ARMC8: variants seen among roughly 807,000 people sequenced by gnomAD.
The protein encoded by ARMC8 is armadillo repeat-containing protein 8.
ARMC8 carries 20 observed loss-of-function variants against 99.3 expected under a neutral mutation model. The ratio of observed to expected loss-of-function variants is 0.20; its 90% CI spans 0.14 to 0.29. The LOEUF (loss-of-function observed/expected upper bound fraction) is 0.29, where lower values mean the gene tolerates loss of function less well. Ranked by LOEUF, ARMC8 falls within the 10% of genes least tolerant of loss-of-function variation. ARMC8 has a pLI of 1.00. For synonymous variants in ARMC8, 263 were observed against 278.3 expected (o/e 0.95, Z 0.55); for missense variants, 569 against 809.5 (o/e 0.70, Z 3.60).
intron 1 of ARMC8, among the ~76,000 whole-genome samples, chr3:138,204,234 C>T (rs375114988): frequency 3.3e-5 from 5 of 151,982 alleles, no homozygotes; most frequent in African/African-American, 1.2e-4. Context: ...GCTGGGATTA[C>T]AGTCACCCGC....
intron 18 of ARMC8, among the ~76,000 whole-genome samples, chr3:138,276,904 G>A (rs144898729): frequency 1.3e-4 from 20 of 152,228 alleles, no homozygotes; most frequent in Non-Finnish European, 2.2e-4. Flanking sequence ...TAAAATCTGT[G>A]CCTTTACATA....
intron 1 of ARMC8, among the ~76,000 whole-genome samples, chr3:138,197,260 G>GC (rs2043791185): frequency 6.6e-6 from 1 of 152,198 alleles, no homozygotes; most frequent in Non-Finnish European, 1.5e-5. Context: ...GAATGCACCA[G>GC]CTGCTGCAAA....
At chr3:138,276,875 T>C (rs1246996675) in intron 18 of ARMC8, among the ~76,000 whole-genome samples, 1 of 152,224 alleles carries the variant, frequency 6.6e-6, no homozygotes, top group African/African-American at 2.4e-5. Context: ...TTATAAATAT[T>C]ACTATAGATG....
chr3:138,253,196 A>G (rs953470634), intron 12 of ARMC8, among the ~76,000 whole-genome samples: 1 of 152,232 alleles, frequency 6.6e-6, no homozygotes, highest in Non-Finnish European at 1.5e-5. Flanking sequence ...CAGAAATCAT[A>G]TAAGTCAGAT....
At chr3:138,279,736 G>A (rs1199220209) in intron 18 of ARMC8, among the ~76,000 whole-genome samples, 1 of 152,088 alleles carries the variant, frequency 6.6e-6, no homozygotes, top group Non-Finnish European at 1.5e-5. Flanking sequence ...GACTACTCAG[G>A]TTATCTGTTT....
chr3:138,294,507 A>G (rs1450539038), intron 21 of ARMC8, among the ~76,000 whole-genome samples: 3 of 152,226 alleles, frequency 2.0e-5, no homozygotes, highest in African/African-American at 4.8e-5. Flanking sequence ...GGATTGGACT[A>G]TTCACAATAT....
intron 10 of ARMC8, among the ~76,000 whole-genome samples, chr3:138,241,010 A>G (rs559006809): frequency 1.3e-5 from 2 of 152,324 alleles, no homozygotes; most frequent in South Asian, 4.1e-4. Context: ...AGATCGTGCC[A>G]TTGCACTCCA....
chr3:138,202,813 G>A (rs1460023365), intron 1 of ARMC8, among the ~76,000 whole-genome samples: 1 of 152,002 alleles, frequency 6.6e-6, no homozygotes, highest in Non-Finnish European at 1.5e-5. Flanking sequence ...AAATAAGTTT[G>A]GTATTTTCCT....
intron 18 of ARMC8, among the ~76,000 whole-genome samples, chr3:138,280,129 C>T (rs1332756684): frequency 6.6e-6 from 1 of 152,016 alleles, no homozygotes; most frequent in Non-Finnish European, 1.5e-5. Flanking sequence ...GGCTCAAACT[C>T]CTGACCTCAG....
rs535783754 is a variant in ARMC8, at chr3:138,279,607, G to T, written c.1726-4824G>T. 1.8e-4 allele frequency among the ~76,000 whole-genome samples: 28 copies of T among 152,204 alleles called. 1 individual carries two copies. In the South Asian group the frequency reaches 5.6e-3, roughly 30 times the overall value. On this transcript the variant is annotated intron_variant, in intron 18 of 21. Transcript: ENST00000469044. ...TCAATTTTCTGCAAAAATTTGTGAAGAATTAATTATTTTTTTCTTCAATTT... is the reference window on the plus strand; with the variant it reads ...TCAATTTTCTGCAAAAATTTGTGAATAATTAATTATTTTTTTCTTCAATTT...
chr3:138,290,754 A>G (rs956011909), intron 21 of ARMC8, 115 bp downstream of exon 21: 1 of 701,302 alleles, frequency 1.4e-6, no homozygotes, highest in Non-Finnish European at 2.4e-6. Context: ...AGATTCTTAG[A>G]TTTTCTTCAT....
At chr3:138,200,801 TC>T (rs889364791) in intron 1 of ARMC8, among the ~76,000 whole-genome samples, 29 of 152,160 alleles carry the variant, frequency 1.9e-4, no homozygotes, top group African/African-American at 7.0e-4. Flanking sequence ...AAACATTTTT[TC>T]CATGCTGGGT....
chr3:138,205,060 CTTTTTTTTTTTTTTTT>C (rs71146118), intron 1 of ARMC8, among the ~76,000 whole-genome samples: 240 of 93,232 alleles, frequency 2.6e-3, no homozygotes, highest in African/African-American at 0.01. Flanking sequence ...CTTTTCTTTT[CTTTTTTTTTTTTTTTT>C]TTTTTTTTTT....
chr3:138,293,972 C>T (rs909127109), intron 21 of ARMC8, among the ~76,000 whole-genome samples: 1 of 152,094 alleles, frequency 6.6e-6, no homozygotes. Flanking sequence ...CAACCTGAGT[C>T]CATCTAAGAA....
At position 138,274,430 on chromosome 3, in the gene ARMC8, A is replaced by T. The variant is rs1351159398; in HGVS notation, c.1630-19A>T. On this transcript the variant is annotated intron_variant, in intron 17 of 21. Transcript: ENST00000469044. ...GTCTTTGTTTCTTTGATAATTATGG[A>T]TTTCCCATTGTTTTACAGCATATAG... 1 of 1,495,420 alleles carries T rather than the reference A, an allele frequency of 6.7e-7. No homozygotes were observed. The highest frequency in any genetic ancestry group is 9.3e-7 in the Non-Finnish European group (1 of 1,078,884). The allele number at this position is 1,495,420 out of a possible 1,614,324, so 92.6% of individuals were successfully genotyped here.
chr3:138,252,503 G>A (rs944849862), intron 12 of ARMC8, among the ~76,000 whole-genome samples: 1 of 149,670 alleles, frequency 6.7e-6, no homozygotes, highest in Non-Finnish European at 1.5e-5. Context: ...GCCCAGGCTG[G>A]AGTGCTGTGG....
chr3:138,239,664 A>G, intron 10 of ARMC8, 136 bp downstream of exon 10: 3 of 494,818 alleles, frequency 6.1e-6, no homozygotes, highest in Non-Finnish European at 6.8e-6. Flanking sequence ...TTGAAAGACC[A>G]TGCTTTCTTT....
At chr3:138,257,406 G>T (rs1436276953) in intron 12 of ARMC8, among the ~76,000 whole-genome samples, 1 of 152,116 alleles carries the variant, frequency 6.6e-6, no homozygotes, top group African/African-American at 2.4e-5. Context: ...GTATCCTGTG[G>T]TCGTCTTATA....
At chr3:138,249,217 T>C (rs2047017624) in intron 12 of ARMC8, among the ~76,000 whole-genome samples, 1 of 152,186 alleles carries the variant, frequency 6.6e-6, no homozygotes, top group Admixed American at 6.5e-5. Flanking sequence ...GGAACTTTCC[T>C]AACCTCACTA....
Sources: allele counts gnomAD v4.1 joint callset (sites outside exome capture counted in the v4.1 genomes callset), GRCh38; gene constraint gnomAD v4.1.1; transcripts MANE v1.5; gene names NCBI Gene and HGNC (gene_info 2026-07-23, HGNC 2026-07-21).